RAI1: variants seen among roughly 807,000 people sequenced by gnomAD.
RAI1 encodes the protein retinoic acid induced 1, also known as retinoic acid-induced protein 1.
RAI1 carries 9 observed loss-of-function variants against 123.8 expected under a neutral mutation model. The observed-to-expected ratio is 0.07, with a 90% CI of 0.04 to 0.13. The LOEUF (loss-of-function observed/expected upper bound fraction) is 0.13. RAI1 is among the 10% of genes least tolerant of loss of function. RAI1 has a pLI of 1.00. For synonymous variants in RAI1, 1,231 were observed against 1,127.3 expected (o/e 1.09, Z -1.84); for missense variants, 2,256 against 2,545.8 (o/e 0.89, Z 2.45).
At chr17:17,788,657 G>A (rs772274249) in intron 2 of RAI1, among the ~76,000 whole-genome samples, 4 of 152,132 alleles carry the variant, frequency 2.6e-5, no homozygotes, top group African/African-American at 4.8e-5. Flanking sequence ...ACCACCTTGG[G>A]TAAGTAGGTG....
intron 2 of RAI1, among the ~76,000 whole-genome samples, chr17:17,782,674 A>C (rs2031635729): frequency 1.4e-5 from 1 of 69,378 alleles, no homozygotes; most frequent in African/African-American, 5.6e-5. Context: ...AGAAGAAGGG[A>C]TAGGGAGGGA....
Position 17,809,578 on chromosome 17 carries a change from C to A in RAI1, c.5709+139C>A, listed in dbSNP as rs2032666826. ...CAGCCCTAGGGGAGGGAGCTCTCCC[C>A]GCCCACCCCCAGGAGCCCCCGCCGC... is the stretch of plus-strand genomic sequence containing the variant. On this transcript the variant is annotated intron_variant, in intron 5 of 5. Coordinates refer to ENST00000353383, the MANE Select transcript of RAI1 (RefSeq NM_030665.4). This position sits in a 1 kb window ranked among gnomAD's most constrained non-coding sequence, Gnocchi z 4.9. 68 of 929,364 alleles carry A rather than the reference C, an allele frequency of 7.3e-5. 1 individual carries two copies. In the South Asian group the frequency reaches 1.0e-3, roughly 14 times the overall value. The allele number at this position is 929,364 out of a possible 1,614,324, so 57.6% of individuals were successfully genotyped here.
intron 2 of RAI1, among the ~76,000 whole-genome samples, chr17:17,773,719 A>G (rs2031245110): frequency 6.6e-6 from 1 of 152,042 alleles, no homozygotes; most frequent in East Asian, 1.9e-4. Context: ...TAGAATCTCA[A>G]CACCTGAAAG....
intron 2 of RAI1, among the ~76,000 whole-genome samples, chr17:17,774,444 C>T (rs2142995956): frequency 6.6e-6 from 1 of 152,366 alleles, no homozygotes; most frequent in African/African-American, 2.4e-5. Flanking sequence ...GGGCCTGGGG[C>T]CGCAGGGGCC....
Position 17,797,424 on chromosome 17 carries a change from T to C in RAI1, c.4476T>C (p.Ser1492=). Residue 1492 remains serine (S), a synonymous_variant, in exon 3 of 6, where the codon TCT becomes TCC. Transcript: ENST00000353383. ...CACAAGGGGCCAGTGAGGACAACTCTGGTGGAGGAGGCAAGAAGCCAAAGA... is the reference window on the plus strand; with the variant it reads ...CACAAGGGGCCAGTGAGGACAACTCCGGTGGAGGAGGCAAGAAGCCAAAGA... ...SGTQGASEDN[S]GGGGKKPKME... 6.2e-7 allele frequency: 1 copy of C among 1,612,264 alleles called. No individual in the cohort carries two copies. The highest frequency in any genetic ancestry group is 8.5e-7 in the Non-Finnish European group (1 of 1,179,782).
At chr17:17,803,899 C>A (rs1395461153) in intron 4 of RAI1, 50 bp downstream of exon 4, 1 of 1,543,980 alleles carries the variant, frequency 6.5e-7, no homozygotes, top group East Asian at 2.2e-5. Context: ...TCCAAGCAGT[C>A]CAGGGGGACC....
chr17:17,796,360 G>C lies in RAI1; in HGVS notation c.3412G>C (p.Gly1138Arg). 1 of 1,613,646 alleles carries C rather than the reference G, an allele frequency of 6.2e-7. No homozygotes were observed. The highest frequency in any genetic ancestry group is 1.1e-5 in the South Asian group (1 of 91,084). Residue 1138 changes from glycine to arginine, a missense_variant, in exon 3 of 6, where the codon GGC becomes CGC. Gly to Arg is a moderately radical substitution (Grantham distance 125, BLOSUM62 -2). This residue lies in a region of RAI1 where 322 missense variants were observed against 358.0 expected (regional missense o/e 0.90). Transcript: ENST00000353383. The surrounding 1 kb of genome is among the most constrained non-coding windows in gnomAD (Gnocchi z 5.8). ...TKETDSPSTP[G>R]KDQRSMILRS... The stretch of plus-strand genomic sequence containing the variant: ...GGAGACAGACTCACCCAGCACGCCT[G>C]GCAAGGACCAGCGCTCCATGATCCT...
intron 2 of RAI1, among the ~76,000 whole-genome samples, chr17:17,739,250 A>G (rs1916537191): frequency 6.6e-6 from 1 of 152,172 alleles, no homozygotes; most frequent in Admixed American, 6.5e-5. Context: ...CCTGGCATCT[A>G]GAAGCTCACA....
chr17:17,697,593 G>T (rs889909891), intron 1 of RAI1, among the ~76,000 whole-genome samples: 1 of 152,220 alleles, frequency 6.6e-6, no homozygotes, highest in Non-Finnish European at 1.5e-5. Context: ...TTGCTCTTGT[G>T]GTCTGGGTGT....
intron 2 of RAI1, among the ~76,000 whole-genome samples, chr17:17,734,531 T>C (rs1314629039): frequency 6.6e-6 from 1 of 152,186 alleles, no homozygotes; most frequent in African/African-American, 2.4e-5. Context: ...ATGGTACTTA[T>C]CCTCCCGTGG....
At chr17:17,791,115 G>T (rs1210028133) in intron 2 of RAI1, among the ~76,000 whole-genome samples, 1 of 152,208 alleles carries the variant, frequency 6.6e-6, no homozygotes, top group Non-Finnish European at 1.5e-5. Context: ...GGTGGGCAGG[G>T]GCTCGCCTCG....
intron 2 of RAI1, among the ~76,000 whole-genome samples, chr17:17,740,777 C>T (rs1916598598): frequency 6.6e-6 from 1 of 152,070 alleles, no homozygotes; most frequent in Non-Finnish European, 1.5e-5. Context: ...ATCCTGTTGC[C>T]CACCCCGGCA....
intron 1 of RAI1, among the ~76,000 whole-genome samples, chr17:17,694,327 G>C (rs1446041399): frequency 2.0e-5 from 3 of 152,244 alleles, no homozygotes; most frequent in South Asian, 2.1e-4. Flanking sequence ...GGAGACGCAC[G>C]AGGTGCGGGG....
At chr17:17,713,357 A>G (rs1915620890) in intron 1 of RAI1, among the ~76,000 whole-genome samples, 1 of 152,152 alleles carries the variant, frequency 6.6e-6, no homozygotes, top group Non-Finnish European at 1.5e-5. Flanking sequence ...TAATAATAAT[A>G]GGCCAGCTGC....
At chr17:17,738,101 A>G (rs1270289164) in intron 2 of RAI1, among the ~76,000 whole-genome samples, 2 of 151,990 alleles carry the variant, frequency 1.3e-5, no homozygotes, top group Admixed American at 6.5e-5. Flanking sequence ...CCAGTATGGC[A>G]TAGTATGGCC....
chr17:17,690,107 G>C lies in RAI1; in HGVS notation c.-149+8314G>C, dbSNP rs936292758. ...TTTAGAAGGAATTTCATTCCTAGCC[G>C]GGCACCGTGGCTCACGCCTGCAATC... On this transcript the variant is annotated intron_variant, in intron 1 of 5. Transcript: ENST00000353383. 2.6e-5 allele frequency among the ~76,000 whole-genome samples: 4 copies of C among 152,240 alleles called. No individual in the cohort carries two copies. In the South Asian group the frequency reaches 6.2e-4, roughly 24 times the overall value.
rs1009937033 is a variant in RAI1 at position 17,810,115 on chromosome 17, G to A, written c.*134G>A. The A allele has an allele frequency of 7.8e-7, 1 of 1,285,106 alleles. No individual in the cohort carries two copies. Among genetic ancestry groups the A allele is most frequent in the Non-Finnish European group, 1.0e-6 (1 of 959,208 alleles). 79.6% of individuals were successfully genotyped at this position (1,285,106 alleles called of 1,614,324 possible). The stretch of plus-strand genomic sequence containing the variant: ...TGGTCCAGAGCCGATCCTTGATCCG[G>A]GTCCCGGATCGTGGATCCGGCCGCC... On this transcript the variant is annotated 3_prime_UTR_variant, in exon 6 of 6. Transcript: ENST00000353383. This position sits in a 1 kb window ranked among gnomAD's most constrained non-coding sequence, Gnocchi z 4.6.
intron 2 of RAI1, among the ~76,000 whole-genome samples, chr17:17,761,284 T>A (rs1053823756): frequency 6.7e-6 from 1 of 149,874 alleles, no homozygotes; most frequent in East Asian, 2.0e-4. Context: ...CCCAAGGAAG[T>A]GGGGGTGGCA....
chr17:17,710,374 C>A (rs1166671448), intron 1 of RAI1, among the ~76,000 whole-genome samples: 1 of 152,196 alleles, frequency 6.6e-6, no homozygotes, highest in Non-Finnish European at 1.5e-5. Context: ...TCCATCCCTA[C>A]GTGGATATAC....
Sources: gnomAD v4.1 joint callset for allele counts (sites outside exome capture counted in the v4.1 genomes callset) on GRCh38, gnomAD v4.1.1 for gene constraint, gnomAD v4.1.1 regional missense constraint, Gnocchi (gnomAD v3.1) non-coding constraint, MANE v1.5 for transcripts, NCBI Gene and HGNC (gene_info 2026-07-23, HGNC 2026-07-21) for gene names.